Variants in SIPA1L1 observed in about 807,000 individuals in gnomAD.
The protein encoded by SIPA1L1 is signal induced proliferation associated 1 like 1.
In SIPA1L1, 26 loss-of-function variants were observed where a neutral mutation model predicts 162.7. That is an observed-to-expected ratio of 0.16 (90% CI 0.12 to 0.22). SIPA1L1 has a LOEUF of 0.22. Ranked by LOEUF, SIPA1L1 falls within the 10% of genes least tolerant of loss-of-function variation. The pLI, the probability that SIPA1L1 is intolerant of heterozygous loss-of-function variation, is 1.00. For synonymous variants in SIPA1L1, 829 were observed against 837.4 expected (o/e 0.99, Z 0.17); for missense variants, 1,874 against 2,241.0 (o/e 0.84, Z 3.31).
chr14:71,381,434 A>G (rs886316018), intron 2 of SIPA1L1, among the ~76,000 whole-genome samples: 1 of 152,184 alleles, frequency 6.6e-6, no homozygotes, highest in Non-Finnish European at 1.5e-5. Context: ...TAGATTATAG[A>G]GGGAAAGATA....
At chr14:71,670,147 A>C (rs774715266) in intron 10 of SIPA1L1, among the ~76,000 whole-genome samples, 2 of 152,186 alleles carry the variant, frequency 1.3e-5, no homozygotes, top group Non-Finnish European at 2.9e-5. Flanking sequence ...ATTTCCAGTC[A>C]TGTCAAACTT....
intron 20 of SIPA1L1, among the ~76,000 whole-genome samples, chr14:71,732,607 G>T (rs1304399509): frequency 6.6e-6 from 1 of 152,164 alleles, no homozygotes; most frequent in Non-Finnish European, 1.5e-5. Context: ...TGTTACAATG[G>T]TTTAATATTT....
In SIPA1L1 at chr14:71,361,957, C is replaced by G. The variant is rs200165685; in HGVS notation, c.-465+40776C>G. Among the ~76,000 whole-genome samples the G allele has an allele frequency of 3.3e-5, 5 of 152,158 alleles. No individual in the cohort carries two copies. In the East Asian group the frequency reaches 9.6e-4, roughly 29 times the overall value. ...TTTTCAGTTAAATGCGTCACACTAG[C>G]TAATTTAGTAGCTTTAGGTGGACAC... On this transcript the variant is annotated intron_variant, in intron 2 of 23. Transcript: ENST00000381232.
At chr14:71,705,123 C>A in intron 15 of SIPA1L1, 99 bp from the exon 16 acceptor site, 1 of 830,120 alleles carries the variant, frequency 1.2e-6, no homozygotes, top group Non-Finnish European at 2.1e-6. Context: ...GTTTGCTGGT[C>A]AGTGAACTGA....
chr14:71,347,212 C>T (rs774906941), intron 2 of SIPA1L1, among the ~76,000 whole-genome samples: 4 of 151,906 alleles, frequency 2.6e-5, no homozygotes, highest in African/African-American at 9.7e-5. Context: ...CCACCTGCCT[C>T]GGTCTCCCAA....
intron 4 of SIPA1L1, among the ~76,000 whole-genome samples, chr14:71,571,283 C>T (rs892148150): frequency 2.6e-5 from 4 of 151,914 alleles, no homozygotes; most frequent in African/African-American, 9.7e-5. Flanking sequence ...GTTCAGGTGG[C>T]CCAGTGTCCA....
intron 17 of SIPA1L1, among the ~76,000 whole-genome samples, chr14:71,718,506 C>T (rs1430830908): frequency 1.3e-5 from 2 of 152,084 alleles, no homozygotes; most frequent in Non-Finnish European, 2.9e-5. Context: ...ATGTGAAAGC[C>T]AGGTGTGGCA....
chr14:71,633,243 C>A (rs1268290009), intron 7 of SIPA1L1, among the ~76,000 whole-genome samples: 1 of 152,162 alleles, frequency 6.6e-6, no homozygotes, highest in African/African-American at 2.4e-5. Context: ...TCACTGCAAC[C>A]TCCACCCTCC....
intron 9 of SIPA1L1, among the ~76,000 whole-genome samples, chr14:71,659,967 ATCTTTAAAAAT>A (rs2043369373): frequency 6.6e-6 from 1 of 152,128 alleles, no homozygotes; most frequent in Non-Finnish European, 1.5e-5. Flanking sequence ...GGAAAAATGT[ATCTTTAAAAAT>A]TCTTTTGCAA....
At chr14:71,416,067 T>TAA (rs1358508354) in intron 2 of SIPA1L1, 1 of 152,224 alleles carries the variant, frequency 6.6e-6, no homozygotes, top group African/African-American at 2.4e-5. Flanking sequence ...GCAGGCACCT[T>TAA]AAGTTCTGTA....
intron 2 of SIPA1L1, chr14:71,398,293 C>T (rs1182742562): frequency 6.6e-6 from 1 of 152,156 alleles, no homozygotes; most frequent in Non-Finnish European, 1.5e-5. Context: ...CCAGGTATTA[C>T]TTGAAAGTTC....
intron 12 of SIPA1L1, among the ~76,000 whole-genome samples, chr14:71,681,836 A>G (rs1004423784): frequency 6.6e-6 from 1 of 152,238 alleles, no homozygotes; most frequent in African/African-American, 2.4e-5. Flanking sequence ...TAAAAGATAA[A>G]AGAGAAAGAA....
chr14:71,446,915 T>TTTG (rs1555425875), intron 2 of SIPA1L1, among the ~76,000 whole-genome samples: 2 of 124,548 alleles, frequency 1.6e-5, no homozygotes, highest in Non-Finnish European at 3.2e-5. Context: ...TGTTTTTTTT[T>TTTG]TTTTTTTTTT....
chr14:71,642,713 A>G (rs964527063), intron 7 of SIPA1L1, among the ~76,000 whole-genome samples: 11 of 152,180 alleles, frequency 7.2e-5, no homozygotes, highest in African/African-American at 1.9e-4. Context: ...CATATGACCT[A>G]TAGTTGGGGA....
At chr14:71,700,251 A>G (rs999015710) in intron 14 of SIPA1L1, among the ~76,000 whole-genome samples, 1 of 152,218 alleles carries the variant, frequency 6.6e-6, no homozygotes, top group African/African-American at 2.4e-5. Context: ...ACTGCTACCA[A>G]AAAATAAAAG....
At chr14:71,515,699 C>A (rs2051648433) in intron 3 of SIPA1L1, among the ~76,000 whole-genome samples, 1 of 152,112 alleles carries the variant, frequency 6.6e-6, no homozygotes, top group African/African-American at 2.4e-5. Flanking sequence ...CGCTCTACTG[C>A]AGTGGCGCGA....
chr14:71,394,128 C>A (rs540232842), intron 2 of SIPA1L1, among the ~76,000 whole-genome samples: 1 of 152,310 alleles, frequency 6.6e-6, no homozygotes, highest in East Asian at 1.9e-4. Flanking sequence ...TGTTGACTTG[C>A]TACCCAAATT....
At chr14:71,734,388 ATG>A (rs1369327794) in intron 21 of SIPA1L1, among the ~76,000 whole-genome samples, 1 of 152,234 alleles carries the variant, frequency 6.6e-6, no homozygotes, top group Admixed American at 6.5e-5. Context: ...GTAGTGCAGT[ATG>A]TGTGTGTTGA....
Position 71,690,259 on chromosome 14 carries a change from A to AT in SIPA1L1, c.3374+4638dup, listed in dbSNP as rs905281804. On this transcript the variant is annotated intron_variant, in intron 13 of 23. Coordinates refer to ENST00000381232, the MANE Select transcript of SIPA1L1 (RefSeq NM_001386936.1). ...CATATTTCTTTTCATTTCTTTAATT[A>AT]TTTTTTTTTTGTGACAGGGTCTCAC... is the stretch of plus-strand genomic sequence containing the variant. Among the ~76,000 whole-genome samples the AT allele has an allele frequency of 1.2e-3, 182 of 148,564 alleles. 2 individuals carry two copies. Among genetic ancestry groups the AT allele is most frequent in the Middle Eastern group, 3.5e-3 (1 of 286 alleles).
Sources: gnomAD v4.1 joint callset for allele counts (sites outside exome capture counted in the v4.1 genomes callset) on GRCh38, gnomAD v4.1.1 for gene constraint, MANE v1.5 for transcripts, NCBI Gene and HGNC (gene_info 2026-07-23, HGNC 2026-07-21) for gene names.